The following WWC1 variants were observed in gnomAD, a reference collection of about 807,000 sequenced individuals.
WWC1 encodes protein KIBRA.
A neutral mutation model predicts 138.4 loss-of-function variants in WWC1; 55 were observed. The ratio of observed to expected loss-of-function variants is 0.40; its 90% confidence interval spans 0.32 to 0.50. WWC1 has a LOEUF of 0.50. Among genes scored for constraint, WWC1 ranks in the 20% least tolerant of loss-of-function variants. The pLI is 0.72. For synonymous variants in WWC1, 524 were observed against 564.9 expected, an observed-to-expected ratio of 0.93 and a Z score of 1.03; for missense variants, 1,226 against 1,420.4, an observed-to-expected ratio of 0.86 and a Z score of 2.20.
rs554123251 is a variant in WWC1 at position 168,423,398 on chromosome 5, G to A, written c.1275-135G>A. The A allele has an allele frequency of 6.4e-6, 6 of 943,580 alleles. No homozygotes were observed. In the South Asian group the frequency reaches 8.9e-5, roughly 14 times the overall value. The allele number at this position is 943,580 out of a possible 1,614,324, so 58.5% of individuals were successfully genotyped here. A position where few individuals can be genotyped will look rare whatever the true frequency, so the allele number is the denominator to read the frequency against. ...TGGGGTATCAGTTTTCCATGAAGTG[G>A]GGGTGAAGGGTCTACCCTAGAGATT... is the stretch of plus-strand genomic sequence containing the variant. On this transcript the variant is annotated intron_variant, in intron 10 of 22. Coordinates refer to ENST00000265293, the MANE Select transcript of WWC1 (RefSeq NM_015238.3).
chr5:168,370,974 A>G lies in WWC1; in HGVS notation c.120-450A>G, dbSNP rs114379085. ...AAGCCAGCCTTCCAAAGGGCAAGTG[A>G]GCATGACAGGCGTGAGACAGAGCCA... On this transcript the variant is annotated intron_variant, in intron 1 of 22. Coordinates refer to ENST00000265293, the MANE Select transcript of WWC1 (RefSeq NM_015238.3). Among the ~76,000 whole-genome samples, 1,216 of 152,328 alleles carry G rather than the reference A, an allele frequency of 8.0e-3. 12 individuals are homozygous for G. The highest frequency in any genetic ancestry group is 0.029 in the East Asian group (152 of 5,174).
chr5:168,397,205 C>T (rs1328366076), intron 3 of WWC1, among the ~76,000 whole-genome samples: 2 of 151,144 alleles, frequency 1.3e-5, no homozygotes, highest in Non-Finnish European at 2.9e-5. Context: ...TGTGATGGCG[C>T]GATTTCGGCT....
At chr5:168,461,550 G>T (rs547672226) in intron 20 of WWC1, among the ~76,000 whole-genome samples, 42 of 152,320 alleles carry the variant, frequency 2.8e-4, no homozygotes, top group Non-Finnish European at 5.6e-4. Flanking sequence ...CTGCAGACTT[G>T]CCTTGCGGAA....
intron 19 of WWC1, among the ~76,000 whole-genome samples, 163 bp downstream of exon 19, chr5:168,455,683 A>G (rs562888547): frequency 6.6e-6 from 1 of 152,362 alleles, no homozygotes; most frequent in African/African-American, 2.4e-5. Flanking sequence ...CCTACTTCAT[A>G]GGATTGTTTT....
At chr5:168,355,516 A>C (rs1561649867) in intron 1 of WWC1, among the ~76,000 whole-genome samples, 2 of 151,874 alleles carry the variant, frequency 1.3e-5, no homozygotes, top group East Asian at 1.9e-4. Context: ...AAAAAAAAAA[A>C]AAACAGCATT....
At chr5:168,436,323 T>G (rs1365344668) in intron 15 of WWC1, among the ~76,000 whole-genome samples, 1 of 152,164 alleles carries the variant, frequency 6.6e-6, no homozygotes, top group African/African-American at 2.4e-5. Flanking sequence ...ACCTCGCTCT[T>G]CCAGTGTTCT....
intron 1 of WWC1, among the ~76,000 whole-genome samples, chr5:168,357,506 G>A (rs553506436): frequency 3.3e-5 from 5 of 150,216 alleles, no homozygotes; most frequent in Admixed American, 2.0e-4. Flanking sequence ...GCGCGCGCAC[G>A]CATGCACGTG....
chr5:168,335,727 G>T (rs893968779), intron 1 of WWC1, among the ~76,000 whole-genome samples: 27 of 152,220 alleles, frequency 1.8e-4, no homozygotes, highest in African/African-American at 6.3e-4. Context: ...AGGCCTAGCA[G>T]CCAGCACTTG....
chr5:168,467,721 A>G (rs2152898199), intron 21 of WWC1, 119 bp from the exon 22 acceptor site: 3 of 1,416,144 alleles, frequency 2.1e-6, no homozygotes, highest in Non-Finnish European at 1.9e-6. Context: ...TGGATCCCAC[A>G]TGGAGCAAGA....
intron 17 of WWC1, among the ~76,000 whole-genome samples, chr5:168,451,185 A>AT (rs1256653042): frequency 6.6e-6 from 1 of 151,900 alleles, no homozygotes; most frequent in East Asian, 1.9e-4. Context: ...CACCTGGCTA[A>AT]TTTTTGTATT....
intron 9 of WWC1, 49 bp downstream of exon 9, chr5:168,414,639 CTG>C: frequency 6.7e-7 from 1 of 1,501,532 alleles, no homozygotes; most frequent in South Asian, 1.3e-5. Flanking sequence ...CACTGGCAGT[CTG>C]TCCTCAGCCC....
In WWC1 at chr5:168,448,307, C is replaced by G. The variant is rs1755466761; in HGVS notation, c.2525+3722C>G. 2.0e-5 allele frequency among the ~76,000 whole-genome samples: 3 copies of G among 152,168 alleles called. No homozygotes were observed. In the South Asian group the frequency reaches 6.2e-4, roughly 31 times the overall value. ...TGTCCGTCTGTTCCAATTTACAGTC[C>G]TTCCTCGGCACCCAAAACCCGGCGT... is the stretch of plus-strand genomic sequence containing the variant. On this transcript the variant is annotated intron_variant, in intron 17 of 22. Coordinates refer to ENST00000265293, the MANE Select transcript of WWC1 (RefSeq NM_015238.3).
At chr5:168,432,595 G>A (rs1206929823) in intron 15 of WWC1, among the ~76,000 whole-genome samples, 2 of 152,206 alleles carry the variant, frequency 1.3e-5, no homozygotes, top group Non-Finnish European at 2.9e-5. Flanking sequence ...TGGGCACAAA[G>A]GAGCCCAAGT....
rs116024544 is a variant in WWC1 at position 168,400,778 on chromosome 5, C to T, written c.590+1211C>T. ...GCAGTGAGCTGATTGCACCACTGCA[C>T]TCCAGTCTGAGTGGCAAAGTGAGAC... On this transcript the variant is annotated intron_variant, in intron 5 of 22. Transcript: ENST00000265293. 2.6e-3 allele frequency among the ~76,000 whole-genome samples: 387 copies of T among 150,958 alleles called. 1 individual carries two copies. The highest frequency in any genetic ancestry group is 8.6e-3 in the African/African-American group (354 of 41,050).
rs1561630070 is a variant in WWC1 at position 168,339,830 on chromosome 5, C to CTTTCTTTCTTTCTTTCTTTCTTTCT, written c.120-31591_120-31590insCTTTCTTTCTTTCTTTCTTTCTTTT. Among the ~76,000 whole-genome samples the CTTTCTTTCTTTCTTTCTTTCTTTCT allele has an allele frequency of 1.2e-4, 16 of 135,256 alleles. No homozygotes were observed. In the South Asian group the frequency reaches 2.0e-3, roughly 17 times the overall value. The allele number at this position is 135,256 out of a possible 152,430, so 88.7% of individuals were successfully genotyped here. On this transcript the variant is annotated intron_variant, in intron 1 of 22. Coordinates refer to ENST00000265293, the MANE Select transcript of WWC1 (RefSeq NM_015238.3). The stretch of plus-strand genomic sequence containing the variant: ...TTTTTCTTTCTTTCTTTCTTTCTTT[C>CTTTCTTTCTTTCTTTCTTTCTTTCT]TTTTTCTTTTCTTTCTTTCTTTCTC...
At chr5:168,453,333 C>T (rs1316497906) in intron 17 of WWC1, among the ~76,000 whole-genome samples, 2 of 152,168 alleles carry the variant, frequency 1.3e-5, no homozygotes, top group Non-Finnish European at 2.9e-5. Flanking sequence ...CATATATTGT[C>T]TGATTCCATT....
At position 168,452,213 on chromosome 5, in the gene WWC1, G is replaced by A. The variant is rs148120599; in HGVS notation, c.2526-1755G>A. On this transcript the variant is annotated intron_variant, in intron 17 of 22. Coordinates refer to ENST00000265293, the MANE Select transcript of WWC1 (RefSeq NM_015238.3). ...GAGCTACCACGCCTGGCCTGTTGGTGTTTAAAAGGGTAAATTTATACTTAC... is the reference window on the plus strand; with the variant it reads ...GAGCTACCACGCCTGGCCTGTTGGTATTTAAAAGGGTAAATTTATACTTAC... Among the ~76,000 whole-genome samples, 296 of 152,212 alleles carry A rather than the reference G, an allele frequency of 1.9e-3. 1 individual carries two copies. Among genetic ancestry groups the A allele is most frequent in the African/African-American group, 6.6e-3 (274 of 41,540 alleles).
chr5:168,441,526 T>C (rs1351200352), intron 15 of WWC1, among the ~76,000 whole-genome samples, 156 bp from the exon 16 acceptor site: 3 of 152,196 alleles, frequency 2.0e-5, no homozygotes, highest in Non-Finnish European at 2.9e-5. Flanking sequence ...AATGAGCTAA[T>C]TGGAAATGTT....
chr5:168,342,843 C>T (rs564347276), intron 1 of WWC1, among the ~76,000 whole-genome samples: 48 of 152,260 alleles, frequency 3.2e-4, no homozygotes, highest in Middle Eastern at 6.8e-3. Flanking sequence ...ATACTGTGGA[C>T]GGATTGAGAG....
Sources: allele counts gnomAD v4.1 joint callset (sites outside exome capture counted in the v4.1 genomes callset), GRCh38; gene constraint gnomAD v4.1.1; transcripts MANE v1.5; gene names NCBI Gene and HGNC (gene_info 2026-07-23, HGNC 2026-07-21).